L3MBTL1: variants seen among roughly 807,000 people sequenced by gnomAD.
L3MBTL1 encodes the protein lethal(3)malignant brain tumor-like protein 1.
A neutral mutation model predicts 105.3 loss-of-function variants in L3MBTL1; 75 were observed. The observed-to-expected ratio is 0.71, with a 90% confidence interval of 0.59 to 0.86. The LOEUF (loss-of-function observed/expected upper bound fraction) is 0.86. L3MBTL1 is among the 40% of genes least tolerant of loss of function. L3MBTL1 has a pLI of 0.00. For missense variants in L3MBTL1, 1,069 were observed against 1,126.4 expected, an observed-to-expected ratio of 0.95 and a Z score of 0.73; for synonymous variants, 452 against 436.2, an observed-to-expected ratio of 1.04 and a Z score of -0.45.
chr20:43,514,760 G>A lies in L3MBTL1; in HGVS notation c.486G>A (p.Ala162=), dbSNP rs1052872860. 4 of 1,554,934 alleles carry A rather than the reference G, an allele frequency of 2.6e-6. No homozygotes were observed. Among genetic ancestry groups the A allele is most frequent in the South Asian group, 2.4e-5 (2 of 84,632 alleles). The part of the protein sequence containing the change: ...DGGAPAGDGE[A]GPQQAEDHPQ... ...GGGCCCCGGCGGGAGATGGCGAGGC[G>A]GGCCCCCAACAGGCGGGTAGGAGCC... Residue 162 remains alanine (A), a synonymous_variant, in exon 4 of 22, where the codon GCG becomes GCA. Coordinates refer to ENST00000418998, the MANE Select transcript of L3MBTL1 (RefSeq NM_001377303.1).
At chr20:43,514,893 G>T in intron 4 of L3MBTL1, 116 bp from the exon 5 acceptor site, 1 of 1,463,348 alleles carries the variant, frequency 6.8e-7, no homozygotes, top group East Asian at 2.4e-5. Context: ...AAGGCTGGAG[G>T]AGGCCATCCG....
chr20:43,540,640 G>C (rs1375267832), intron 20 of L3MBTL1, 113 bp from the exon 21 acceptor site: 3 of 1,028,856 alleles, frequency 2.9e-6, no homozygotes, highest in Non-Finnish European at 4.3e-6. Context: ...CTTTTAGGCT[G>C]GTGAGAAAAA....
chr20:43,535,970 G>T (rs759610874), intron 17 of L3MBTL1, 34 bp downstream of exon 17: 1 of 1,597,310 alleles, frequency 6.3e-7, no homozygotes, highest in Non-Finnish European at 8.6e-7. Context: ...GACCCTCAGC[G>T]TTGTTTTGCA....
rs1432233676 is a variant in L3MBTL1, at chr20:43,513,920, G to A, written c.219G>A (p.Pro73=). ...FPREPIHVGA[P]EQVAGCEPVS... ...GGGAGCCAATCCATGTGGGTGCCCCGGAGCAAGTGGCCGGCTGCGAACCAG... is the reference window on the plus strand; with the variant it reads ...GGGAGCCAATCCATGTGGGTGCCCCAGAGCAAGTGGCCGGCTGCGAACCAG... The change falls in exon 3 of 22, where the codon CCG becomes CCA. Residue 73 remains proline, a synonymous_variant. Transcript: ENST00000418998. The A allele has an allele frequency of 7.1e-6, 11 of 1,550,348 alleles. No homozygotes were observed. The highest frequency in any genetic ancestry group is 1.4e-5 in the African/African-American group (1 of 73,064).
At position 43,514,723 on chromosome 20, in the gene L3MBTL1, A is replaced by G; in HGVS notation, c.449A>G (p.Tyr150Cys). ...CTGCGGCAGGAAGGCGTGACCGAAT[A>G]CGAAGATGGCGGGGCCCCGGCGGGA... ...PELRQEGVTE[Y>C]EDGGAPAGDG... The change falls in exon 4 of 22, where the codon TAC becomes TGC. Residue 150 changes from tyrosine (Y) to cysteine (C), a missense_variant. Coordinates refer to ENST00000418998, the MANE Select transcript of L3MBTL1 (RefSeq NM_001377303.1). 6.3e-7 allele frequency: 1 copy of G among 1,578,376 alleles called. No individual in the cohort carries two copies. The highest frequency in any genetic ancestry group is 8.6e-7 in the Non-Finnish European group (1 of 1,162,334).
At chr20:43,530,656 G>T in intron 10 of L3MBTL1, 142 bp from the exon 11 acceptor site, 1 of 843,112 alleles carries the variant, frequency 1.2e-6, no homozygotes, top group South Asian at 1.5e-5. Context: ...TCCTGCTTCA[G>T]TAGTGGGGAA....
At chr20:43,519,956 A>G (rs1030648269) in intron 7 of L3MBTL1, among the ~76,000 whole-genome samples, 2 of 152,178 alleles carry the variant, frequency 1.3e-5, no homozygotes, top group African/African-American at 4.8e-5. Flanking sequence ...CACACCATAC[A>G]ATTCATCCAT....
chr20:43,525,373 A>G (rs918422081), intron 7 of L3MBTL1, among the ~76,000 whole-genome samples: 4 of 151,382 alleles, frequency 2.6e-5, no homozygotes, highest in Non-Finnish European at 4.4e-5. Context: ...ACCGCTAGCC[A>G]ATATGGTACC....
rs761205320 is a variant in L3MBTL1, at chr20:43,530,418, A to G, written c.1191A>G (p.Lys397=). 5.6e-6 allele frequency: 9 copies of G among 1,613,854 alleles called. No individual in the cohort carries two copies. In the Admixed American group the frequency reaches 1.2e-4, roughly 21 times the overall value. The change falls in exon 10 of 22, where the codon AAA becomes AAG. Residue 397 remains lysine (K), a splice_region_variant and synonymous_variant. Coordinates refer to ENST00000418998, the MANE Select transcript of L3MBTL1 (RefSeq NM_001377303.1). ...CGGGCCACAAGCTGCAGCCTCCCAA[A>G]GGTAAGGCCTAGCTGGGTTGGTCAC... ...EKTGHKLQPP[K]GYKEEEFSWS...
chr20:43,519,819 G>A (rs1426697923), intron 7 of L3MBTL1, among the ~76,000 whole-genome samples: 1 of 152,114 alleles, frequency 6.6e-6, no homozygotes, highest in African/African-American at 2.4e-5. Context: ...TTTCTAAATG[G>A]TGTCTTTTAA....
In L3MBTL1 at chr20:43,534,081, G is replaced by A; in HGVS notation, c.1587G>A (p.Trp529Ter). ...EETGASAVPT[W>*]AFKVRPPHSF... ...CTGGGGCCTCTGCTGTCCCCACCTG[G>A]GCCTTCAAGGTGGTGAGTCAGTGCT... The change falls in exon 14 of 22, where the codon TGG becomes TGA. Residue 529 changes from tryptophan to a stop codon, truncating the protein, a stop_gained. Transcript: ENST00000418998. LOFTEE classifies it high-confidence loss of function. 1 of 1,613,738 alleles carries A rather than the reference G, an allele frequency of 6.2e-7. No individual in the cohort carries two copies.
intron 18 of L3MBTL1, 55 bp downstream of exon 18, chr20:43,536,349 G>A (rs781173261): frequency 1.9e-5 from 30 of 1,612,382 alleles, no homozygotes; most frequent in Non-Finnish European, 2.5e-5. Flanking sequence ...GGGCCTTGTA[G>A]CCTCTTGGAC....
At position 43,536,463 on chromosome 20, in the gene L3MBTL1, G is replaced by C; in HGVS notation, c.2173+5G>C. The C allele has an allele frequency of 6.2e-7, 1 of 1,613,874 alleles. No individual in the cohort carries two copies. ...TTCCGCAGGAAGATTTCCAGAGTAA[G>C]TCTGGGTTATCTGCTCCTATGTCCT... On this transcript the variant is annotated splice_donor_5th_base_variant and intron_variant, in intron 19 of 21. Transcript: ENST00000418998.
chr20:43,535,026 C>A, intron 16 of L3MBTL1, 84 bp downstream of exon 16: 1 of 887,942 alleles, frequency 1.1e-6, no homozygotes, highest in Non-Finnish European at 1.7e-6. Context: ...GCTCTGACTC[C>A]CCATGCCCAA....
Position 43,514,322 on chromosome 20 carries a change from G to C in L3MBTL1, c.360+261G>C, listed in dbSNP as rs2018241042. The C allele has an allele frequency of 9.7e-6, 10 of 1,035,668 alleles. No individual in the cohort carries two copies. In the South Asian group the frequency reaches 1.7e-4, roughly 18 times the overall value. 64.2% of individuals were successfully genotyped at this position (1,035,668 alleles called of 1,614,324 possible). On this transcript the variant is annotated intron_variant, in intron 3 of 21. Transcript: ENST00000418998. ...TGTCTGGGGGCGTGGCTTAGACTGG[G>C]GCACCCTGAGTGGGCCTGTGTTAGT...
chr20:43,530,766 G>A (rs371764415), intron 10 of L3MBTL1, 32 bp from the exon 11 acceptor site: 293 of 1,602,888 alleles, frequency 1.8e-4, no homozygotes, highest in Middle Eastern at 3.7e-4. Context: ...GCCTCTGCAC[G>A]GCGCTCTGTT....
intron 11 of L3MBTL1, 75 bp downstream of exon 11, chr20:43,530,964 C>T: frequency 8.1e-7 from 1 of 1,233,562 alleles, no homozygotes; most frequent in Non-Finnish European, 1.2e-6. Flanking sequence ...GGGTATCTGA[C>T]TCATCAGAAG....
rs144538397 is a variant in L3MBTL1, at chr20:43,513,585, G to A, written c.82G>A (p.Gly28Arg). Residue 28 changes from glycine to arginine, a missense_variant, in exon 2 of 22, where the codon GGA (glycine) becomes AGA (arginine). By Grantham distance (125) the Gly-to-Arg change is moderately radical. Transcript: ENST00000418998. ...TGEVSMHLVA[G>R]DSPGSGPHLP... is the part of the protein sequence containing the mutation. ...GGAGGTCAGCATGCACTTGGTGGCC[G>A]GAGACAGCCCCGGTTCTGGTCCTCA... 3,319 of 1,550,616 alleles carry A rather than the reference G, an allele frequency of 2.1e-3. 7 individuals carry two copies. Among genetic ancestry groups the A allele is most frequent in the Admixed American group, 2.5e-3 (129 of 51,000 alleles).
chr20:43,541,223 C>T lies in L3MBTL1; in HGVS notation c.*95C>T. On this transcript the variant is annotated 3_prime_UTR_variant, in exon 22 of 22. Transcript: ENST00000418998. ...GTGATTTACTGCAAGGATCCTAACACACACTTAAAATCAAGAGCCAAGGAG... is the reference window on the plus strand; with the variant it reads ...GTGATTTACTGCAAGGATCCTAACATACACTTAAAATCAAGAGCCAAGGAG... The T allele has an allele frequency of 6.6e-7, 1 of 1,525,854 alleles. No individual in the cohort carries two copies. The highest frequency in any genetic ancestry group is 1.4e-5 in the African/African-American group (1 of 72,638). 94.5% of individuals were successfully genotyped at this position (1,525,854 alleles called of 1,614,324 possible).
Sources: allele counts gnomAD v4.1 joint callset (sites outside exome capture counted in the v4.1 genomes callset), GRCh38; gene constraint gnomAD v4.1.1; transcripts MANE v1.5; gene names NCBI Gene and HGNC (gene_info 2026-07-23, HGNC 2026-07-21).